CR2: variants seen among roughly 807,000 people sequenced by gnomAD.
CR2 encodes complement receptor type 2.
Under a neutral mutation model 123.0 loss-of-function variants are expected in CR2, and 96 were observed. The ratio of observed to expected loss-of-function variants is 0.78; its 90% CI spans 0.66 to 0.93. CR2 has a LOEUF of 0.93. Ranked by LOEUF, CR2 falls within the 40% of genes least tolerant of loss-of-function variation. CR2 has a pLI of 0.00. For synonymous variants in CR2, 484 were observed against 469.5 expected (o/e 1.03, Z -0.40); for missense variants, 1,258 against 1,361.0 (o/e 0.92, Z 1.19).
intron 4 of CR2, 108 bp from the exon 5 acceptor site, chr1:207,469,042 A>T: frequency 7.5e-7 from 1 of 1,339,918 alleles, no homozygotes; most frequent in Non-Finnish European, 1.1e-6. Context: ...TGATAAAAGG[A>T]ACAGATGCAC....
Position 207,473,805 on chromosome 1 carries a change from A to G in CR2, c.2160A>G (p.Thr720=), listed in dbSNP as rs1489879720. Residue 720 remains threonine, a synonymous_variant, in exon 12 of 20, where the codon ACA becomes ACG. Coordinates refer to ENST00000367057, the MANE Select transcript of CR2 (RefSeq NM_001006658.3). Reference sequence around the variant, plus strand: ...ATTCCATCCTTGCTTCTCCAGAAACATGCCAGCATGTGAGACAGAGTCTTC... The same window carrying G: ...ATTCCATCCTTGCTTCTCCAGAAACGTGCCAGCATGTGAGACAGAGTCTTC... ...WSPSAPRCEE[T]CQHVRQSLQE... 9 of 1,614,038 alleles carry G rather than the reference A, an allele frequency of 5.6e-6. No homozygotes were observed. Among genetic ancestry groups the G allele is most frequent in the South Asian group, 4.4e-5 (4 of 91,086 alleles).
At chr1:207,468,920 T>C (rs1355757090) in intron 4 of CR2, 21 bp downstream of exon 4, 16 of 1,608,714 alleles carry the variant, frequency 9.9e-6, no homozygotes, top group Non-Finnish European at 1.3e-5. Flanking sequence ...GGATTATTTA[T>C]GAGATTTAAT....
chr1:207,469,960 G>A lies in CR2; in HGVS notation c.1083G>A (p.Met361Ile). The A allele has an allele frequency of 6.2e-7, 1 of 1,613,970 alleles. No homozygotes were observed. Among genetic ancestry groups the A allele is most frequent in the Admixed American group, 1.7e-5 (1 of 59,972 alleles). The change falls in exon 6 of 20, where the codon ATG becomes ATA. Residue 361 changes from methionine to isoleucine, a missense_variant. Coordinates refer to ENST00000367057, the MANE Select transcript of CR2 (RefSeq NM_001006658.3). The stretch of plus-strand genomic sequence containing the variant: ...ATCCCCAGATCCTAAGAGGCCGAAT[G>A]GTATCTGGGCAGAAAGATCGATATA... ...CPHPQILRGR[M>I]VSGQKDRYTY...
rs1258543289 is a variant in CR2 at position 207,469,960 on chromosome 1, G to C, written c.1083G>C (p.Met361Ile). 6.2e-7 allele frequency: 1 copy of C among 1,613,852 alleles called. No individual in the cohort carries two copies. Among genetic ancestry groups the C allele is most frequent in the East Asian group, 2.2e-5 (1 of 44,890 alleles). Reference protein sequence around the residue: ...CPHPQILRGRMVSGQKDRYTY... With the variant: ...CPHPQILRGRIVSGQKDRYTY... ...ATCCCCAGATCCTAAGAGGCCGAAT[G>C]GTATCTGGGCAGAAAGATCGATATA... Residue 361 changes from methionine to isoleucine, a missense_variant, in exon 6 of 20, where the codon ATG (methionine) becomes ATC (isoleucine). Met to Ile is a conservative substitution (Grantham distance 10, BLOSUM62 1). Coordinates refer to ENST00000367057, the MANE Select transcript of CR2 (RefSeq NM_001006658.3).
intron 1 of CR2, among the ~76,000 whole-genome samples, chr1:207,458,334 T>C (rs1164829198): frequency 6.6e-6 from 1 of 152,032 alleles, no homozygotes; most frequent in Non-Finnish European, 1.5e-5. Context: ...AGCAGTTCGA[T>C]CCACTCTCTA....
At chr1:207,478,168 C>T (rs1317292967) in intron 16 of CR2, 98 bp downstream of exon 16, 1 of 1,287,504 alleles carries the variant, frequency 7.8e-7, no homozygotes, top group Admixed American at 2.0e-5. Context: ...TTTAAATTGA[C>T]ATAGGTTTGT....
intron 13 of CR2, among the ~76,000 whole-genome samples, 188 bp from the exon 14 acceptor site, chr1:207,474,636 T>A (rs1658383710): frequency 6.6e-6 from 1 of 152,230 alleles, no homozygotes; most frequent in African/African-American, 2.4e-5. Flanking sequence ...TTTTATGGAG[T>A]ATATAGTACT....
intron 19 of CR2, among the ~76,000 whole-genome samples, chr1:207,488,425 A>G (rs1247622986): frequency 6.6e-6 from 1 of 152,164 alleles, no homozygotes. Flanking sequence ...GGAGATCGAG[A>G]ACATCTTGGC....
At chr1:207,462,679 T>C (rs1049019819) in intron 1 of CR2, among the ~76,000 whole-genome samples, 3 of 152,094 alleles carry the variant, frequency 2.0e-5, no homozygotes, top group African/African-American at 7.2e-5. Context: ...AATGACAAAA[T>C]AGTTGGTTTG....
chr1:207,466,633 C>T lies in CR2; in HGVS notation c.166C>T (p.Arg56Cys), dbSNP rs780129217. Residue 56 changes from arginine (R) to cysteine (C), a missense_variant, in exon 2 of 20, where the codon CGC (arginine) becomes TGC (cysteine). By Grantham distance (180) the Arg-to-Cys change is radical. Transcript: ENST00000367057. ...AAGGTACAGTTGTTCAGGTACCTTC[C>T]GCCTCATTGGAGAAAAAAGTCTATT... Reference protein sequence around the residue: ...VIRYSCSGTFRLIGEKSLLCI... With the variant: ...VIRYSCSGTFCLIGEKSLLCI... The T allele has an allele frequency of 8.1e-6, 13 of 1,613,854 alleles. No individual in the cohort carries two copies. The highest frequency in any genetic ancestry group is 2.7e-5 in the African/African-American group (2 of 74,872).
At chr1:207,462,249 C>G (rs1657985170) in intron 1 of CR2, among the ~76,000 whole-genome samples, 1 of 152,120 alleles carries the variant, frequency 6.6e-6, no homozygotes, top group African/African-American at 2.4e-5. Flanking sequence ...ATATATTGTA[C>G]TATGAGGTAG....
chr1:207,472,644 C>A, intron 9 of CR2, 128 bp from the exon 10 acceptor site: 1 of 883,884 alleles, frequency 1.1e-6, no homozygotes, highest in Non-Finnish European at 1.8e-6. Flanking sequence ...TCACACAACT[C>A]ACATCATGAA....
chr1:207,477,396 G>A (rs777649720), intron 15 of CR2, among the ~76,000 whole-genome samples: 5 of 152,136 alleles, frequency 3.3e-5, no homozygotes, highest in African/African-American at 7.2e-5. Context: ...CTCCCATGGC[G>A]CATGGGGATT....
intron 1 of CR2, among the ~76,000 whole-genome samples, chr1:207,458,742 A>G (rs889903369): frequency 3.3e-5 from 5 of 152,166 alleles, no homozygotes; most frequent in Admixed American, 6.5e-5. Flanking sequence ...CTTCCAGTGC[A>G]TTACATTGTG....
rs140700402 is a variant in CR2 at position 207,466,153 on chromosome 1, G to A, written c.59-373G>A. Among the ~76,000 whole-genome samples the A allele has an allele frequency of 7.9e-4, 120 of 152,264 alleles. 1 individual carries two copies. Among genetic ancestry groups the A allele is most frequent in the African/African-American group, 2.7e-3 (111 of 41,546 alleles). On this transcript the variant is annotated intron_variant, in intron 1 of 19. Transcript: ENST00000367057. Reference sequence around the variant, plus strand: ...AATGACCGTGGGGAGTTGAAACTAGGTCCACTGAGCTCAAATTTCCCTAAT... The same window carrying A: ...AATGACCGTGGGGAGTTGAAACTAGATCCACTGAGCTCAAATTTCCCTAAT...
Position 207,454,403 on chromosome 1 carries a change from G to A in CR2, c.-16G>A, listed in dbSNP as rs763325138. 2.0e-5 allele frequency: 31 copies of A among 1,573,984 alleles called. No individual in the cohort carries two copies. In the Admixed American group the frequency reaches 5.4e-4, roughly 27 times the overall value. On this transcript the variant is annotated 5_prime_UTR_variant, in exon 1 of 20. Transcript: ENST00000367057. The surrounding 1 kb of genome is among the most constrained non-coding windows in gnomAD (Gnocchi z 4.3). ...GGTCTCGGAACGCATCCCGCCGCGG[G>A]GGCTTCGGCCGTGGCATGGGCGCCG...
At chr1:207,473,404 C>A in intron 10 of CR2, 141 bp from the exon 11 acceptor site, 3 of 1,119,772 alleles carry the variant, frequency 2.7e-6, no homozygotes, top group South Asian at 1.3e-5. Flanking sequence ...TTTTAAAGAG[C>A]AAACAGCATT....
chr1:207,475,758 G>T (rs1401754399), intron 14 of CR2, among the ~76,000 whole-genome samples: 1 of 152,170 alleles, frequency 6.6e-6, no homozygotes, highest in Non-Finnish European at 1.5e-5. Flanking sequence ...CCCATCTTCA[G>T]TTTAAGATAA....
At chr1:207,464,846 C>G (rs917892098) in intron 1 of CR2, among the ~76,000 whole-genome samples, 2 of 151,928 alleles carry the variant, frequency 1.3e-5, no homozygotes, top group Non-Finnish European at 2.9e-5. Context: ...ATATATGGTA[C>G]CTATGGAAAG....
Sources: gnomAD v4.1 joint callset for allele counts (sites outside exome capture counted in the v4.1 genomes callset) on GRCh38, gnomAD v4.1.1 for gene constraint, Gnocchi (gnomAD v3.1) non-coding constraint, MANE v1.5 for transcripts, NCBI Gene and HGNC (gene_info 2026-07-23, HGNC 2026-07-21) for gene names.